The following GALNT18 variants were observed in gnomAD, a reference collection of about 807,000 sequenced individuals.
GALNT18 encodes polypeptide N-acetylgalactosaminyltransferase 18, also known as GalNAc-transferase 18.
Under a neutral mutation model 69.5 loss-of-function variants are expected in GALNT18, and 44 were observed. The ratio of observed to expected loss-of-function variants is 0.63; its 90% confidence interval spans 0.50 to 0.81. GALNT18 has a LOEUF of 0.81. Among genes scored for constraint, GALNT18 ranks in the 40% least tolerant of loss-of-function variants. The probability of loss-of-function intolerance (pLI) is 0.00; values close to 1 mark genes in which losing one functional copy is unlikely to be tolerated. For synonymous variants in GALNT18, 364 were observed against 318.2 expected, an observed-to-expected ratio of 1.14 and a Z score of -1.53; for missense variants, 715 against 810.0, an observed-to-expected ratio of 0.88 and a Z score of 1.42.
chr11:11,608,151 G>T (rs1222626453), intron 1 of GALNT18, among the ~76,000 whole-genome samples: 1 of 152,086 alleles, frequency 6.6e-6, no homozygotes, highest in Non-Finnish European at 1.5e-5. Context: ...TGACTTACGT[G>T]GGAAAGTCCC....
At chr11:11,420,156 C>T (rs984361482) in intron 3 of GALNT18, among the ~76,000 whole-genome samples, 3 of 152,028 alleles carry the variant, frequency 2.0e-5, no homozygotes, top group East Asian at 1.9e-4. Context: ...AACAAACCTC[C>T]CTCACCAAAA....
At chr11:11,286,119 T>G (rs1013341902) in intron 10 of GALNT18, among the ~76,000 whole-genome samples, 1 of 152,152 alleles carries the variant, frequency 6.6e-6, no homozygotes, top group Non-Finnish European at 1.5e-5. Context: ...ACCCTTGAAC[T>G]CTAAGCTCAG....
rs1853795735 is a variant in GALNT18, at chr11:11,377,509, G to A, written c.780-130C>T. ...CCTGCCCATCTCCTCTGATGGAGAG[G>A]TGCACTGCCTTCTGGGAAGGAGCTC... On this transcript the variant is annotated intron_variant, in intron 4 of 10. Transcript: ENST00000227756. The surrounding 1 kb of genome is among the most constrained non-coding windows in gnomAD (Gnocchi z 4.6). 4.0e-6 allele frequency: 3 copies of A among 747,534 alleles called. No homozygotes were observed. The highest frequency in any genetic ancestry group is 2.4e-5 in the Admixed American group (1 of 41,488). The allele number at this position is 747,534 out of a possible 1,614,324, so 46.3% of individuals were successfully genotyped here. A position where few individuals can be genotyped will look rare whatever the true frequency, so the allele number is the denominator to read the frequency against.
At chr11:11,475,912 G>A (rs1856384733) in intron 1 of GALNT18, 1 of 152,126 alleles carries the variant, frequency 6.6e-6, no homozygotes, top group South Asian at 2.1e-4. Context: ...TACACAGGAT[G>A]AAACAACAGG....
At chr11:11,353,196 G>A in intron 6 of GALNT18, 3 of 1,580,046 alleles carry the variant, frequency 1.9e-6, no homozygotes, top group East Asian at 2.2e-5. Context: ...GCAGCTTGGG[G>A]GTAAGACCTT....
At position 11,338,590 on chromosome 11, in the gene GALNT18, G is replaced by A. The variant is rs923183721; in HGVS notation, c.1278+2229C>T. Reference sequence around the variant, plus strand: ...GAGAACAGGAGCAGATCTGGAGGAAGAAGATGGGTTTGGCTGGTCAGAGTC... The same window carrying A: ...GAGAACAGGAGCAGATCTGGAGGAAAAAGATGGGTTTGGCTGGTCAGAGTC... On this transcript the variant is annotated intron_variant, in intron 7 of 10. Transcript: ENST00000227756. This position sits in a 1 kb window ranked among gnomAD's most constrained non-coding sequence, Gnocchi z 5.3. Among the ~76,000 whole-genome samples, 1 of 152,230 alleles carries A rather than the reference G, an allele frequency of 6.6e-6. No homozygotes were observed. The highest frequency in any genetic ancestry group is 2.4e-5 in the African/African-American group (1 of 41,444).
chr11:11,334,497 C>T (rs978584709), intron 7 of GALNT18, among the ~76,000 whole-genome samples: 5 of 151,256 alleles, frequency 3.3e-5, no homozygotes, highest in African/African-American at 7.3e-5. Context: ...GAGCCGAGAT[C>T]GCACCATTGC....
At chr11:11,381,558 G>C (rs976468971) in intron 3 of GALNT18, among the ~76,000 whole-genome samples, 3 of 152,332 alleles carry the variant, frequency 2.0e-5, no homozygotes, top group Middle Eastern at 6.8e-3. Flanking sequence ...TTGTGTGGCT[G>C]CCTCACACAC....
intron 1 of GALNT18, among the ~76,000 whole-genome samples, chr11:11,495,406 G>T (rs143635676): frequency 7.0e-4 from 107 of 152,308 alleles, no homozygotes; most frequent in African/African-American, 2.5e-3. Context: ...TTTAGAAAGG[G>T]ATGACTTGTA....
At position 11,451,257 on chromosome 11, in the gene GALNT18, C is replaced by T. The variant is rs868325115; in HGVS notation, c.236-2321G>A. On this transcript the variant is annotated intron_variant, in intron 1 of 10. Transcript: ENST00000227756. ...TCTCTAAAAAGATGTATGACTCATT[C>T]GTTTGGAATGGGGGGTAGTAAAAAT... is the stretch of plus-strand genomic sequence containing the variant. Among the ~76,000 whole-genome samples the T allele has an allele frequency of 3.1e-4, 47 of 151,964 alleles. 1 individual carries two copies. Among genetic ancestry groups the T allele is most frequent in the African/African-American group, 1.1e-3 (45 of 41,436 alleles).
intron 3 of GALNT18, among the ~76,000 whole-genome samples, chr11:11,384,051 T>C (rs1032999107): frequency 6.6e-6 from 1 of 152,140 alleles, no homozygotes; most frequent in Non-Finnish European, 1.5e-5. Flanking sequence ...AGTCCATTCA[T>C]GGAGTAATAA....
At chr11:11,284,548 A>G (rs566520717) in intron 10 of GALNT18, among the ~76,000 whole-genome samples, 3 of 152,282 alleles carry the variant, frequency 2.0e-5, no homozygotes, top group African/African-American at 7.2e-5. Context: ...CGTCTGGAGT[A>G]TTTGTGTTAA....
chr11:11,332,828 A>G lies in GALNT18; in HGVS notation c.1282T>C (p.Ser428Pro). ...GTGATGTCCCCAATGTCAATTCCTG[A>G]GTCCTGCACAGGGACGCAGAAGCAG... ...YMAWNIPQED[S>P]GIDIGDITAR... Residue 428 changes from serine (S) to proline (P), a missense_variant, in exon 8 of 11, where the codon TCA becomes CCA. Physicochemically the swap from Ser to Pro is moderately conservative, Grantham distance 74. Coordinates refer to ENST00000227756, the MANE Select transcript of GALNT18 (RefSeq NM_198516.3). This position sits in a 1 kb window ranked among gnomAD's most constrained non-coding sequence, Gnocchi z 4.3. 1 of 1,613,224 alleles carries G rather than the reference A, an allele frequency of 6.2e-7. No individual in the cohort carries two copies. Among genetic ancestry groups the G allele is most frequent in the Admixed American group, 1.7e-5 (1 of 60,020 alleles).
At chr11:11,615,439 T>C (rs566931901) in intron 1 of GALNT18, among the ~76,000 whole-genome samples, 1 of 152,324 alleles carries the variant, frequency 6.6e-6, no homozygotes, top group African/African-American at 2.4e-5. Flanking sequence ...CTTGACTCAA[T>C]GAAGTAAGAT....
chr11:11,479,242 T>TGAAAAAAAAA (rs200624869), intron 1 of GALNT18, among the ~76,000 whole-genome samples: 6,749 of 152,128 alleles, frequency 0.044, 378 homozygotes, highest in African/African-American at 0.14. Flanking sequence ...AAAATAAAGT[T>TGAAAAAAAAA]TACATCATGG....
chr11:11,504,934 C>T (rs1011334943), intron 1 of GALNT18, among the ~76,000 whole-genome samples: 5 of 152,162 alleles, frequency 3.3e-5, no homozygotes, highest in African/African-American at 9.7e-5. Flanking sequence ...TTGACTGCCT[C>T]ATCTGGGGAG....
At chr11:11,460,319 T>C (rs1939100507) in intron 1 of GALNT18, among the ~76,000 whole-genome samples, 1 of 152,206 alleles carries the variant, frequency 6.6e-6, no homozygotes. Flanking sequence ...AAAGAGATTC[T>C]AATACTTCAC....
chr11:11,529,027 G>A (rs372094148), intron 1 of GALNT18, among the ~76,000 whole-genome samples: 1 of 152,186 alleles, frequency 6.6e-6, no homozygotes, highest in East Asian at 1.9e-4. Flanking sequence ...TAGCTCCATG[G>A]TCGAATGACT....
intron 3 of GALNT18, among the ~76,000 whole-genome samples, chr11:11,406,594 T>C (rs756913801): frequency 7.2e-5 from 11 of 152,194 alleles, no homozygotes; most frequent in Non-Finnish European, 1.5e-4. Context: ...CCAGTTGCCA[T>C]TGCAGTACAA....
Sources: gnomAD v4.1 joint callset for allele counts (sites outside exome capture counted in the v4.1 genomes callset) on GRCh38, gnomAD v4.1.1 for gene constraint, Gnocchi (gnomAD v3.1) non-coding constraint, MANE v1.5 for transcripts, NCBI Gene and HGNC (gene_info 2026-07-23, HGNC 2026-07-21) for gene names.